The following SLC14A2 variants were observed in gnomAD, a reference collection of about 807,000 sequenced individuals.
SLC14A2 encodes solute carrier family 14 member 2.
SLC14A2 carries 91 observed loss-of-function variants against 104.6 expected under a neutral mutation model. That is an observed-to-expected ratio of 0.87 (90% CI 0.73 to 1.04). The LOEUF (loss-of-function observed/expected upper bound fraction) is 1.04, where lower values mean the gene tolerates loss of function less well. Among genes scored for constraint, SLC14A2 ranks in the 50% least tolerant of loss-of-function variants. SLC14A2 has a pLI of 0.00. For missense variants in SLC14A2, 1,189 were observed against 1,156.0 expected (o/e 1.03, Z -0.41); for synonymous variants, 476 against 466.4 (o/e 1.02, Z -0.27).
chr18:45,233,522 G>A (rs1474179022), intron 1 of SLC14A2, among the ~76,000 whole-genome samples: 4 of 152,134 alleles, frequency 2.6e-5, no homozygotes, highest in Non-Finnish European at 5.9e-5. Context: ...GGTCTTGCCC[G>A]GGCTCCCTCC....
upstream of SLC14A2, among the ~76,000 whole-genome samples, chr18:45,612,487 T>C (rs1157536337): frequency 6.6e-6 from 1 of 152,250 alleles, no homozygotes. Context: ...AGCATAAGCA[T>C]GAACAATTAA....
chr18:45,392,844 C>G (rs2085986243), intron 1 of SLC14A2, among the ~76,000 whole-genome samples: 1 of 152,144 alleles, frequency 6.6e-6, no homozygotes. Context: ...GAAGATAAAG[C>G]ATGAAAAGGT....
At chr18:45,574,866 A>G (rs1262253524) in intron 2 of SLC14A2, among the ~76,000 whole-genome samples, 1 of 152,190 alleles carries the variant, frequency 6.6e-6, no homozygotes, top group African/African-American at 2.4e-5. Context: ...GGGCATATGC[A>G]TATGAACATC....
At chr18:45,478,950 C>T (rs1263248551) in intron 1 of SLC14A2, among the ~76,000 whole-genome samples, 4 of 152,188 alleles carry the variant, frequency 2.6e-5, no homozygotes. Context: ...GGCAGCCATT[C>T]ACCTTAGACC....
intron 2 of SLC14A2, among the ~76,000 whole-genome samples, chr18:45,560,600 A>T (rs1405970483): frequency 2.6e-5 from 4 of 152,208 alleles, no homozygotes; most frequent in Non-Finnish European, 5.9e-5. Flanking sequence ...GGGAACTTAT[A>T]TGAAGCCCCT....
intron 1 of SLC14A2, among the ~76,000 whole-genome samples, chr18:45,229,044 A>G (rs1459677380): frequency 1.3e-5 from 2 of 152,222 alleles, no homozygotes; most frequent in Non-Finnish European, 2.9e-5. Flanking sequence ...CAACTTTTAG[A>G]AAGACTGTTT....
chr18:45,554,863 C>A (rs745632545), intron 2 of SLC14A2, among the ~76,000 whole-genome samples: 8 of 152,224 alleles, frequency 5.3e-5, no homozygotes, highest in Non-Finnish European at 1.2e-4. Flanking sequence ...GGCATCCATG[C>A]AGGGCTGATC....
Position 45,644,129 on chromosome 18 carries a change from G to GA in SLC14A2, c.1324dup (p.Ser442LysfsTer3). The GA allele has an allele frequency of 6.2e-7, 1 of 1,614,220 alleles. No individual in the cohort carries two copies. The highest frequency in any genetic ancestry group is 1.1e-5 in the South Asian group (1 of 91,084). ...CCAACCGCATCTACTACCTGACAGT[G>GA]AAAAGCGGTGAAGAAGAGAAGGCCC... On this transcript the variant is annotated frameshift_variant, in exon 10 of 20. Coordinates refer to ENST00000255226, the MANE Select transcript of SLC14A2 (RefSeq NM_007163.4). LOFTEE classifies it high-confidence loss of function.
Position 45,668,037 on chromosome 18 carries a change from C to T in SLC14A2, c.1907+15C>T. Reference sequence around the variant, plus strand: ...AGTCAGGACAAGTAAGTCCCAGAGGCTCAGGGTCCAAACATGTAGCCAAGA... The same window carrying T: ...AGTCAGGACAAGTAAGTCCCAGAGGTTCAGGGTCCAAACATGTAGCCAAGA... On this transcript the variant is annotated intron_variant, in intron 14 of 19. Coordinates refer to ENST00000255226, the MANE Select transcript of SLC14A2 (RefSeq NM_007163.4). 6.2e-7 allele frequency: 1 copy of T among 1,612,600 alleles called. No individual in the cohort carries two copies. The highest frequency in any genetic ancestry group is 1.3e-5 in the African/African-American group (1 of 75,004).
intron 1 of SLC14A2, among the ~76,000 whole-genome samples, chr18:45,387,881 C>T (rs1035674800): frequency 5.9e-5 from 9 of 152,032 alleles, no homozygotes; most frequent in African/African-American, 2.2e-4. Context: ...CCGGTATAGG[C>T]TTTGTCCATA....
At chr18:45,190,197 G>A in the SLC14A2 span, among the ~76,000 whole-genome samples, 2 of 152,100 alleles carry the variant, frequency 1.3e-5, no homozygotes, top group Admixed American at 1.3e-4. Context: ...TTCTTCTTTA[G>A]TAGGCTAAAT....
chr18:45,562,870 C>T (rs1486998554), intron 2 of SLC14A2, among the ~76,000 whole-genome samples: 1 of 152,190 alleles, frequency 6.6e-6, no homozygotes, highest in Non-Finnish European at 1.5e-5. Flanking sequence ...TGTTTGCCTG[C>T]TCTGCTCTGG....
the SLC14A2 span, among the ~76,000 whole-genome samples, chr18:45,195,644 C>A: frequency 6.6e-6 from 1 of 152,144 alleles, no homozygotes; most frequent in African/African-American, 2.4e-5. Flanking sequence ...CCCGCCTTGG[C>A]CTCCCATAGT....
chr18:45,515,760 C>A (rs559350120), intron 2 of SLC14A2, among the ~76,000 whole-genome samples: 1 of 152,326 alleles, frequency 6.6e-6, no homozygotes, highest in South Asian at 2.1e-4. Context: ...GGCAAAGGAA[C>A]GAATTGGTGC....
At position 45,678,955 on chromosome 18, in the gene SLC14A2, T is replaced by TTTC. The variant is rs767325650; in HGVS notation, c.2513-18_2513-17insCTT. On this transcript the variant is annotated intron_variant, in intron 18 of 19. Coordinates refer to ENST00000255226, the MANE Select transcript of SLC14A2 (RefSeq NM_007163.4). The stretch of plus-strand genomic sequence containing the variant: ...AAATAGTTACTGGTCTATTTCTTTC[T>TTTC]TTTTTTTTTTTTTTTCTAGCACTGT... 1.1e-4 allele frequency: 64 copies of TTTC among 585,230 alleles called. No homozygotes were observed. The highest frequency in any genetic ancestry group is 1.6e-4 in the African/African-American group (3 of 18,494). The allele number at this position is 585,230 out of a possible 1,614,324, so 36.3% of individuals were successfully genotyped here.
intron 2 of SLC14A2, 54 bp from the exon 3 acceptor site, chr18:45,625,629 T>G: frequency 7.0e-7 from 1 of 1,438,304 alleles, no homozygotes; most frequent in Non-Finnish European, 9.3e-7. Context: ...TCCCCAAATG[T>G]CCCTGCTCTC....
At chr18:45,535,508 A>T (rs1424654861) in intron 2 of SLC14A2, among the ~76,000 whole-genome samples, 1 of 152,122 alleles carries the variant, frequency 6.6e-6, no homozygotes. Flanking sequence ...TCCTCATCTT[A>T]CAGATGAGGA....
At chr18:45,679,735 A>C (rs913001369) in intron 19 of SLC14A2, among the ~76,000 whole-genome samples, 1 of 152,244 alleles carries the variant, frequency 6.6e-6, no homozygotes, top group Non-Finnish European at 1.5e-5. Flanking sequence ...CCTCACCTTT[A>C]GTAAAAATGG....
Position 45,498,608 on chromosome 18 carries a change from G to C in SLC14A2, c.-35+15286G>C, listed in dbSNP as rs1020168534. ...ATCTCCACTCCTGTTCCTGGAGACTGTCAGATCTGCTCTGAAGTTAACCTC... is the reference window on the plus strand; with the variant it reads ...ATCTCCACTCCTGTTCCTGGAGACTCTCAGATCTGCTCTGAAGTTAACCTC... On this transcript the variant is annotated intron_variant, in intron 2 of 20. Coordinates refer to the SLC14A2 transcript ENST00000586448. Among the ~76,000 whole-genome samples, 5 of 152,250 alleles carry C rather than the reference G, an allele frequency of 3.3e-5. No individual in the cohort carries two copies. In the East Asian group the frequency reaches 7.7e-4, roughly 24 times the overall value.
Sources: allele counts gnomAD v4.1 joint callset (sites outside exome capture counted in the v4.1 genomes callset), GRCh38; gene constraint gnomAD v4.1.1; transcripts MANE v1.5; gene names NCBI Gene and HGNC (gene_info 2026-07-23, HGNC 2026-07-21).